ANKS1B: variants seen among roughly 807,000 people sequenced by gnomAD.
ANKS1B encodes ankyrin repeat and sterile alpha motif domain containing 1B, also known as ankyrin repeat and sterile alpha motif domain-containing protein 1B.
In ANKS1B, 36 loss-of-function variants were observed where a neutral mutation model predicts 148.3. The ratio of observed to expected loss-of-function variants is 0.24; its 90% CI spans 0.19 to 0.32. The LOEUF is 0.32. Among genes scored for constraint, ANKS1B ranks in the 10% least tolerant of loss-of-function variants. ANKS1B has a pLI of 1.00. For missense variants in ANKS1B, 1,157 were observed against 1,542.6 expected (o/e 0.75, Z 4.19); for synonymous variants, 542 against 560.8 (o/e 0.97, Z 0.47).
At chr12:99,491,741 C>T (rs557897425) in intron 10 of ANKS1B, among the ~76,000 whole-genome samples, 4 of 152,120 alleles carry the variant, frequency 2.6e-5, no homozygotes, top group African/African-American at 9.6e-5. Flanking sequence ...CCTCTAGCTC[C>T]AAGGCTCAAA....
chr12:98,954,044 C>A (rs1211671965), intron 17 of ANKS1B, among the ~76,000 whole-genome samples: 1 of 152,186 alleles, frequency 6.6e-6, no homozygotes, highest in Non-Finnish European at 1.5e-5. Context: ...GCAGCATTGT[C>A]ACCACCTGGA....
rs145953145 is a variant in ANKS1B, at chr12:99,569,010, C to T, written c.1273-64369G>A. ...TCCACAAGAGAAATCATCACAGACACGGTGATATGTCTTTGGTTAGTTTTT... is the reference window on the plus strand; with the variant it reads ...TCCACAAGAGAAATCATCACAGACATGGTGATATGTCTTTGGTTAGTTTTT... On this transcript the variant is annotated intron_variant, in intron 9 of 26. Transcript: ENST00000683438. 1.0e-3 allele frequency among the ~76,000 whole-genome samples: 157 copies of T among 152,272 alleles called. 2 individuals carry two copies. Among genetic ancestry groups the T allele is most frequent in the Admixed American group, 8.4e-3 (128 of 15,294 alleles).
intron 12 of ANKS1B, among the ~76,000 whole-genome samples, chr12:99,305,365 T>G (rs2082203392): frequency 2.0e-5 from 3 of 152,126 alleles, no homozygotes; most frequent in Admixed American, 2.0e-4. Flanking sequence ...TTACATTATT[T>G]CATAATTATC....
At chr12:99,264,105 T>A (rs1324202344) in intron 12 of ANKS1B, among the ~76,000 whole-genome samples, 1 of 152,130 alleles carries the variant, frequency 6.6e-6, no homozygotes. Context: ...TTTTTCCTTA[T>A]CCTTGAAATT....
intron 12 of ANKS1B, among the ~76,000 whole-genome samples, chr12:99,380,900 C>T (rs1268005157): frequency 6.6e-6 from 1 of 152,042 alleles, no homozygotes; most frequent in Non-Finnish European, 1.5e-5. Context: ...ATCTCTGTCA[C>T]CATGAAGTTC....
chr12:99,339,574 G>T (rs779963881), intron 12 of ANKS1B, among the ~76,000 whole-genome samples: 3 of 152,122 alleles, frequency 2.0e-5, no homozygotes, highest in Non-Finnish European at 4.4e-5. Flanking sequence ...GAGTACAATC[G>T]CTGGAGGGTT....
chr12:99,382,379 A>G (rs189409175), intron 12 of ANKS1B, among the ~76,000 whole-genome samples: 86 of 152,290 alleles, frequency 5.6e-4, no homozygotes, highest in African/African-American at 1.9e-3. Context: ...AAGTAAAATG[A>G]GCATATCAAA....
At chr12:99,545,849 T>C (rs2097168386) in intron 9 of ANKS1B, among the ~76,000 whole-genome samples, 1 of 151,340 alleles carries the variant, frequency 6.6e-6, no homozygotes, top group Admixed American at 6.6e-5. Flanking sequence ...CTCAATGACA[T>C]TGAGACTTTA....
At chr12:98,985,093 T>A (rs2153233567) in intron 17 of ANKS1B, among the ~76,000 whole-genome samples, 1 of 152,294 alleles carries the variant, frequency 6.6e-6, no homozygotes, top group East Asian at 1.9e-4. Context: ...TTATCCAATA[T>A]GACAAGCCCT....
chr12:99,073,680 T>C (rs2046956731), intron 16 of ANKS1B, among the ~76,000 whole-genome samples: 2 of 152,310 alleles, frequency 1.3e-5, no homozygotes, highest in South Asian at 2.1e-4. Context: ...CAGTGGTCCA[T>C]GGAGGCTGCA....
At chr12:99,310,695 C>A (rs1480107398) in intron 12 of ANKS1B, among the ~76,000 whole-genome samples, 3 of 152,128 alleles carry the variant, frequency 2.0e-5, no homozygotes, top group African/African-American at 7.2e-5. Flanking sequence ...TATCCTGGGT[C>A]TCCAGCTTGC....
chr12:99,427,317 C>T (rs2095276208), intron 11 of ANKS1B, among the ~76,000 whole-genome samples: 1 of 152,188 alleles, frequency 6.6e-6, no homozygotes, highest in Non-Finnish European at 1.5e-5. Flanking sequence ...CAGCACTTTG[C>T]CCTCACACTG....
At chr12:99,861,943 C>G (rs1041665936) in intron 1 of ANKS1B, among the ~76,000 whole-genome samples, 3 of 118,836 alleles carry the variant, frequency 2.5e-5, no homozygotes, top group African/African-American at 9.7e-5. Context: ...TATTGCATCC[C>G]TTTCAGTAGC....
At chr12:99,748,555 T>A (rs1805659259) in intron 8 of ANKS1B, among the ~76,000 whole-genome samples, 1 of 152,040 alleles carries the variant, frequency 6.6e-6, no homozygotes, top group African/African-American at 2.4e-5. Flanking sequence ...TAATACTGAG[T>A]ATATACTTAT....
intron 8 of ANKS1B, among the ~76,000 whole-genome samples, chr12:99,717,010 T>G (rs923680393): frequency 4.6e-5 from 7 of 152,194 alleles, no homozygotes; most frequent in Non-Finnish European, 7.3e-5. Context: ...TGGCTGGAGC[T>G]AAAGGCATAG....
At chr12:98,902,674 A>T (rs1191627334) in intron 17 of ANKS1B, among the ~76,000 whole-genome samples, 1 of 152,154 alleles carries the variant, frequency 6.6e-6, no homozygotes, top group East Asian at 1.9e-4. Context: ...ACCTGACTGC[A>T]CCTCAGTTTC....
At chr12:99,513,747 A>T (rs557100460) in intron 9 of ANKS1B, among the ~76,000 whole-genome samples, 2 of 152,028 alleles carry the variant, frequency 1.3e-5, no homozygotes, top group African/African-American at 4.8e-5. Context: ...CAGCTACCGC[A>T]TGCTAGTCCA....
chr12:99,984,384 G>C lies in ANKS1B; in HGVS notation c.-147C>G. On this transcript the variant is annotated 5_prime_UTR_variant, in exon 1 of 27. Coordinates refer to ENST00000683438, the MANE Select transcript of ANKS1B (RefSeq NM_001352186.2). The stretch of plus-strand genomic sequence containing the variant: ...CACGGAGAGCTCCCTGCAGCCCCAG[G>C]CAGGGAGCACGACTCTCTCCTCCTC... 1.8e-5 allele frequency: 8 copies of C among 454,834 alleles called. No individual in the cohort carries two copies. The highest frequency in any genetic ancestry group is 9.7e-5 in the East Asian group (2 of 20,640). 28.2% of individuals were successfully genotyped at this position (454,834 alleles called of 1,614,324 possible). A position where few individuals can be genotyped will look rare whatever the true frequency, so the allele number is the denominator to read the frequency against.
intron 15 of ANKS1B, among the ~76,000 whole-genome samples, chr12:99,114,175 A>T (rs2060863113): frequency 6.6e-6 from 1 of 152,238 alleles, no homozygotes; most frequent in Admixed American, 6.5e-5. Flanking sequence ...GTTAAATCAT[A>T]CAGATTCTCA....
Sources: allele counts gnomAD v4.1 joint callset (sites outside exome capture counted in the v4.1 genomes callset), GRCh38; gene constraint gnomAD v4.1.1; transcripts MANE v1.5; gene names NCBI Gene and HGNC (gene_info 2026-07-23, HGNC 2026-07-21).